The following C3orf33 variants were observed in gnomAD, a reference collection of about 807,000 sequenced individuals.
C3orf33 encodes the protein AP-1 activity suppressor.
In C3orf33, 23 loss-of-function variants were observed where a neutral mutation model predicts 28.7. The ratio of observed to expected loss-of-function variants is 0.80; its 90% CI spans 0.58 to 1.13. C3orf33 has a LOEUF of 1.13. C3orf33 is among the 50% of genes most tolerant of loss of function. The pLI, the probability that C3orf33 is intolerant of heterozygous loss-of-function variation, is 0.00. For synonymous variants in C3orf33, 119 were observed against 120.5 expected (o/e 0.99, Z 0.08); for missense variants, 327 against 353.4 (o/e 0.93, Z 0.60).
chr3:155,780,718 ACT>A (rs1750891819), intron 2 of C3orf33, among the ~76,000 whole-genome samples: 1 of 151,950 alleles, frequency 6.6e-6, no homozygotes. Context: ...CTAAATGGTC[ACT>A]CTCCCTGCAT....
chr3:155,787,974 G>A (rs989463686), intron 2 of C3orf33, among the ~76,000 whole-genome samples: 2 of 151,950 alleles, frequency 1.3e-5, no homozygotes, highest in Non-Finnish European at 2.9e-5. Context: ...GGCGGATCAT[G>A]AGGTCAGCAG....
At chr3:155,784,081 G>A (rs1314862443) in intron 2 of C3orf33, among the ~76,000 whole-genome samples, 2 of 151,984 alleles carry the variant, frequency 1.3e-5, no homozygotes, top group Non-Finnish European at 2.9e-5. Context: ...ACAGGCATGT[G>A]CCACCAGGCC....
intron 2 of C3orf33, among the ~76,000 whole-genome samples, chr3:155,780,743 G>GTGGCTGGAAAGGTATGTGGT (rs1364004210): frequency 4.3e-4 from 66 of 152,270 alleles, no homozygotes; most frequent in African/African-American, 1.3e-3. Context: ...TTTCCAGGTA[G>GTGGCTGGAAAGGTATGTGGT]AGGTGGCTAT....
chr3:155,783,410 C>T (rs1750999628), intron 2 of C3orf33, among the ~76,000 whole-genome samples: 2 of 152,050 alleles, frequency 1.3e-5, no homozygotes, highest in Admixed American at 1.3e-4. Flanking sequence ...CCACCTCATC[C>T]ACCCAAAGGG....
chr3:155,786,327 T>C (rs1751105021), intron 2 of C3orf33, among the ~76,000 whole-genome samples: 1 of 151,860 alleles, frequency 6.6e-6, no homozygotes, highest in Admixed American at 6.6e-5. Context: ...AAACTAAAAG[T>C]TGGTTCTTCA....
chr3:155,796,124 C>G (rs1289566751), intron 2 of C3orf33, among the ~76,000 whole-genome samples: 1 of 151,486 alleles, frequency 6.6e-6, no homozygotes, highest in Non-Finnish European at 1.5e-5. Flanking sequence ...AAACCAAACC[C>G]AAAATTAGTA....
chr3:155,792,007 ACCATGGGCC>A (rs1234829287), intron 2 of C3orf33, among the ~76,000 whole-genome samples: 3 of 151,990 alleles, frequency 2.0e-5, no homozygotes, highest in Middle Eastern at 3.2e-3. Context: ...GGCAGCGGTT[ACCATGGGCC>A]CTGGGAGAGA....
chr3:155,771,312 A>C (rs1360640554), intron 3 of C3orf33, among the ~76,000 whole-genome samples: 1 of 151,324 alleles, frequency 6.6e-6, no homozygotes, highest in Non-Finnish European at 1.5e-5. Flanking sequence ...ATCAGCTCTC[A>C]CTTCTGTCAC....
At chr3:155,803,899 G>A (rs1051578259) in intron 1 of C3orf33, among the ~76,000 whole-genome samples, 7 of 148,976 alleles carry the variant, frequency 4.7e-5, no homozygotes, top group African/African-American at 1.5e-4. Flanking sequence ...AAAAGAGGCC[G>A]GCGCAGTGGC....
chr3:155,797,122 GT>G (rs1440636261), intron 2 of C3orf33, among the ~76,000 whole-genome samples: 2 of 152,136 alleles, frequency 1.3e-5, no homozygotes, highest in Non-Finnish European at 2.9e-5. Context: ...GGAGGTGGAG[GT>G]TGCAGTAGCC....
Position 155,767,194 on chromosome 3 carries a change from A to C in C3orf33, c.483+315T>G, listed in dbSNP as rs374029813. Among the ~76,000 whole-genome samples, 132 of 150,292 alleles carry C rather than the reference A, an allele frequency of 8.8e-4. No individual in the cohort carries two copies. In the East Asian group the frequency reaches 0.017, roughly 19 times the overall value. ...CTTGAACCTGAGAGGCAGAGGTTGC[A>C]GTGGCCGAGATCGTGCCACTGCACT... is the stretch of plus-strand genomic sequence containing the variant. On this transcript the variant is annotated intron_variant, in intron 4 of 4. Coordinates refer to ENST00000340171, the MANE Select transcript of C3orf33 (RefSeq NM_001308229.2).
intron 2 of C3orf33, among the ~76,000 whole-genome samples, chr3:155,781,579 C>A (rs1373866004): frequency 6.6e-6 from 1 of 151,372 alleles, no homozygotes; most frequent in Non-Finnish European, 1.5e-5. Context: ...ACTATCCTGG[C>A]TAACACGGTG....
chr3:155,791,059 T>C (rs912058265), intron 2 of C3orf33, among the ~76,000 whole-genome samples: 5 of 152,122 alleles, frequency 3.3e-5, no homozygotes, highest in African/African-American at 1.2e-4. Context: ...CCAGGAGAGA[T>C]TCCTTCCTTC....
chr3:155,793,809 C>CAAAAAAAAAAAAAA (rs1176317323), intron 2 of C3orf33, among the ~76,000 whole-genome samples: 4 of 37,424 alleles, frequency 1.1e-4, no homozygotes, highest in Non-Finnish European at 2.5e-4. Flanking sequence ...GACTCTGACT[C>CAAAAAAAAAAAAAA]AAAAAAAAAA....
intron 2 of C3orf33, among the ~76,000 whole-genome samples, chr3:155,784,153 C>T (rs1055891361): frequency 2.6e-5 from 4 of 151,990 alleles, no homozygotes; most frequent in Non-Finnish European, 5.9e-5. Flanking sequence ...TGGTCAAGAA[C>T]TCCCAACCTC....
chr3:155,783,225 G>A (rs1750991892), intron 2 of C3orf33, among the ~76,000 whole-genome samples: 1 of 151,606 alleles, frequency 6.6e-6, no homozygotes, highest in African/African-American at 2.4e-5. Context: ...CACAATCTCG[G>A]CTCACTGCAA....
chr3:155,770,894 G>C lies in C3orf33; in HGVS notation c.323-3225C>G, dbSNP rs146685603. On this transcript the variant is annotated intron_variant, in intron 3 of 4. Coordinates refer to ENST00000340171, the MANE Select transcript of C3orf33 (RefSeq NM_001308229.2). ...TTGCCGTATTTGCCAGGCTGGTCTT[G>C]AACTCCTGACCTCAAGTTATCTGCC... Among the ~76,000 whole-genome samples, 280 of 151,930 alleles carry C rather than the reference G, an allele frequency of 1.8e-3. 1 individual carries two copies. The highest frequency in any genetic ancestry group is 6.6e-3 in the African/African-American group (275 of 41,420).
At chr3:155,791,748 G>C (rs988020561) in intron 2 of C3orf33, among the ~76,000 whole-genome samples, 1 of 151,856 alleles carries the variant, frequency 6.6e-6, no homozygotes, top group South Asian at 2.1e-4. Flanking sequence ...TCTGCTTGTG[G>C]AAAGGGGAGG....
intron 2 of C3orf33, among the ~76,000 whole-genome samples, chr3:155,779,131 AAAAC>A (rs1750840745): frequency 6.6e-6 from 1 of 152,204 alleles, no homozygotes; most frequent in Admixed American, 6.5e-5. Context: ...ATTGCTGCTA[AAAAC>A]AAACACACAA....
Sources: allele counts gnomAD v4.1 joint callset (sites outside exome capture counted in the v4.1 genomes callset), GRCh38; gene constraint gnomAD v4.1.1; transcripts MANE v1.5; gene names NCBI Gene and HGNC (gene_info 2026-07-23, HGNC 2026-07-21).